CD4: variants seen among roughly 807,000 people sequenced by gnomAD.
The protein encoded by CD4 is CD4 molecule, also known as T-cell surface glycoprotein CD4.
A neutral mutation model predicts 50.5 loss-of-function variants in CD4; 25 were observed. The observed-to-expected ratio is 0.49, with a 90% CI of 0.36 to 0.69. The LOEUF (loss-of-function observed/expected upper bound fraction) is 0.69. CD4 is among the 30% of genes least tolerant of loss of function. The probability of loss-of-function intolerance (pLI) is 0.00; values close to 1 mark genes in which losing one functional copy is unlikely to be tolerated. For missense variants in CD4, 456 were observed against 548.5 expected (o/e 0.83, Z 1.68); for synonymous variants, 207 against 221.9 (o/e 0.93, Z 0.60).
intron 3 of CD4, among the ~76,000 whole-genome samples, chr12:6,811,670 T>C (rs1416975723): frequency 4.2e-5 from 6 of 144,462 alleles, no homozygotes; most frequent in Admixed American, 1.4e-4. Flanking sequence ...ATTTTTTTTT[T>C]CTTTTTTTTT....
chr12:6,810,684 G>A (rs183815094), intron 3 of CD4, among the ~76,000 whole-genome samples: 138 of 152,274 alleles, frequency 9.1e-4, no homozygotes, highest in African/African-American at 2.6e-3. Context: ...AACAAAAGAG[G>A]CGGAGCAAAG....
chr12:6,790,321 T>C (rs1942119290), intron 1 of CD4, among the ~76,000 whole-genome samples: 1 of 152,228 alleles, frequency 6.6e-6, no homozygotes, highest in Non-Finnish European at 1.5e-5. Flanking sequence ...TGTTTCTGTG[T>C]GTATTTTTAA....
chr12:6,812,616 T>G (rs1591559230), intron 3 of CD4, among the ~76,000 whole-genome samples: 2 of 151,668 alleles, frequency 1.3e-5, no homozygotes, highest in Admixed American at 6.6e-5. Context: ...GAGGCGGAGG[T>G]TGCGGTGAGC....
At chr12:6,815,222 G>A (rs1417504208) in intron 5 of CD4, among the ~76,000 whole-genome samples, 1 of 152,110 alleles carries the variant, frequency 6.6e-6, no homozygotes, top group Non-Finnish European at 1.5e-5. Flanking sequence ...AGGAAAGGCT[G>A]GGGAAGGTAA....
chr12:6,805,317 C>T (rs1942708097), intron 3 of CD4, among the ~76,000 whole-genome samples: 1 of 151,602 alleles, frequency 6.6e-6, no homozygotes, highest in South Asian at 2.1e-4. Flanking sequence ...AATCCCAGCA[C>T]TTTGGGAAGT....
At chr12:6,795,142 T>TATCTATCTATCTA (rs1227398528) in intron 1 of CD4, among the ~76,000 whole-genome samples, 1 of 121,586 alleles carries the variant, frequency 8.2e-6, no homozygotes, top group African/African-American at 3.1e-5. Context: ...CTATCTAATC[T>TATCTATCTATCTA]ATCTTTCTGT....
chr12:6,806,050 G>C (rs907956536), intron 3 of CD4, among the ~76,000 whole-genome samples: 1 of 151,612 alleles, frequency 6.6e-6, no homozygotes, highest in African/African-American at 2.4e-5. Flanking sequence ...TGTAATCCCA[G>C]CACGTTGGGA....
At chr12:6,791,860 C>T (rs1283160742) in intron 1 of CD4, among the ~76,000 whole-genome samples, 5 of 152,184 alleles carry the variant, frequency 3.3e-5, no homozygotes, top group Non-Finnish European at 5.9e-5. Context: ...CCAGCCTGGG[C>T]GAGAGTGAGG....
intron 1 of CD4, among the ~76,000 whole-genome samples, chr12:6,798,574 TCAAAGCAGAA>T (rs1370966564): frequency 6.6e-6 from 1 of 152,210 alleles, no homozygotes; most frequent in Non-Finnish European, 1.5e-5. Context: ...TAACAGCATC[TCAAAGCAGAA>T]CAATTTTTCT....
rs1555118516 is a variant in CD4 at position 6,818,645 on chromosome 12, C to T, written c.1278+103C>T. ...CTGATTTTGGCCCAGCTCCCTCTGC[C>T]CACTCGTAAGTTCCCTTGCTGCCCT... On this transcript the variant is annotated intron_variant, in intron 8 of 9. Transcript: ENST00000011653. This position sits in a 1 kb window ranked among gnomAD's most constrained non-coding sequence, Gnocchi z 5.0. 4 of 1,449,228 alleles carry T rather than the reference C, an allele frequency of 2.8e-6. No homozygotes were observed. The East Asian group carries it at 9.2e-5, about 33-fold the overall frequency. The allele number at this position is 1,449,228 out of a possible 1,614,324, so 89.8% of individuals were successfully genotyped here.
At chr12:6,814,573 G>C (rs781817959) in intron 4 of CD4, 186 bp from the exon 5 acceptor site, 3 of 694,314 alleles carry the variant, frequency 4.3e-6, no homozygotes, top group African/African-American at 1.8e-5. Context: ...GATGAGGGGA[G>C]AGGAGGAAAG....
intron 1 of CD4, among the ~76,000 whole-genome samples, chr12:6,796,663 C>A (rs979710832): frequency 3.3e-5 from 5 of 152,176 alleles, no homozygotes; most frequent in African/African-American, 1.2e-4. Flanking sequence ...AGCAGTGGGT[C>A]CCCTCACCTC....
Position 6,818,637 on chromosome 12 carries a change from C to T in CD4, c.1278+95C>T. 6.7e-7 allele frequency: 1 copy of T among 1,494,036 alleles called. No individual in the cohort carries two copies. Among genetic ancestry groups the T allele is most frequent in the South Asian group, 1.2e-5 (1 of 84,832 alleles). The allele number at this position is 1,494,036 out of a possible 1,614,324, so 92.5% of individuals were successfully genotyped here. A position where few individuals can be genotyped will look rare whatever the true frequency, so the allele number is the denominator to read the frequency against. On this transcript the variant is annotated intron_variant, in intron 8 of 9. Coordinates refer to ENST00000011653, the MANE Select transcript of CD4 (RefSeq NM_000616.5). This position sits in a 1 kb window ranked among gnomAD's most constrained non-coding sequence, Gnocchi z 5.0. ...TATGGGAACTGATTTTGGCCCAGCTCCCTCTGCCCACTCGTAAGTTCCCTT... is the reference window on the plus strand; with the variant it reads ...TATGGGAACTGATTTTGGCCCAGCTTCCTCTGCCCACTCGTAAGTTCCCTT...
At chr12:6,790,958 A>G (rs1942138131) in intron 1 of CD4, among the ~76,000 whole-genome samples, 1 of 152,194 alleles carries the variant, frequency 6.6e-6, no homozygotes, top group African/African-American at 2.4e-5. Flanking sequence ...CATTTTGACC[A>G]ATAATTCCTT....
chr12:6,819,054 G>T (rs1254800114), intron 9 of CD4, 140 bp downstream of exon 9: 2 of 725,442 alleles, frequency 2.8e-6, no homozygotes, highest in Non-Finnish European at 4.8e-6. Context: ...AGAGCTGGGA[G>T]GGGTGGAGGT....
At chr12:6,793,826 A>AT in intron 1 of CD4, among the ~76,000 whole-genome samples, 1 of 150,344 alleles carries the variant, frequency 6.7e-6, no homozygotes, top group East Asian at 2.0e-4. Context: ...ATTTTTTTGT[A>AT]TTTTTAGTAG....
At chr12:6,802,353 C>G (rs782201523) in intron 3 of CD4, among the ~76,000 whole-genome samples, 3 of 149,712 alleles carry the variant, frequency 2.0e-5, no homozygotes, top group Non-Finnish European at 4.4e-5. Context: ...GACAGGGTCT[C>G]ACTCTGCTGC....
intron 1 of CD4, among the ~76,000 whole-genome samples, chr12:6,794,978 G>C (rs1165624639): frequency 6.7e-6 from 1 of 149,448 alleles, no homozygotes; most frequent in Non-Finnish European, 1.5e-5. Context: ...GTAGAGAAGG[G>C]TTTCACCATG....
rs201438622 is a variant in CD4, at chr12:6,820,292, G to A, written c.*963G>A. 6.6e-6 allele frequency: 1 copy of A among 152,216 alleles called. No homozygotes were observed. Among genetic ancestry groups the A allele is most frequent in the Non-Finnish European group, 1.5e-5 (1 of 68,014 alleles). The allele number at this position is 152,216 out of a possible 1,614,324, so 9.4% of individuals were successfully genotyped here. A position where few individuals can be genotyped will look rare whatever the true frequency, so the allele number is the denominator to read the frequency against. On this transcript the variant is annotated 3_prime_UTR_variant, in exon 10 of 10. Coordinates refer to ENST00000011653, the MANE Select transcript of CD4 (RefSeq NM_000616.5). ...GTCTAAAATCCCTCCTTCATCCCCCGCTGGTGGCAGAATCTGTTACCAGAG... is the reference window on the plus strand; with the variant it reads ...GTCTAAAATCCCTCCTTCATCCCCCACTGGTGGCAGAATCTGTTACCAGAG...
Sources: allele counts gnomAD v4.1 joint callset (sites outside exome capture counted in the v4.1 genomes callset), GRCh38; gene constraint gnomAD v4.1.1; non-coding constraint Gnocchi (gnomAD v3.1); transcripts MANE v1.5; gene names NCBI Gene and HGNC (gene_info 2026-07-23, HGNC 2026-07-21).